NFILZ: variants seen among roughly 807,000 people sequenced by gnomAD.
The protein encoded by NFILZ is NFIL3 like basic leucine zipper.
chr19:8,649,586 C>T (rs1290846049), intron 3 of NFILZ, among the ~76,000 whole-genome samples: 1 of 151,870 alleles, frequency 6.6e-6, no homozygotes, highest in Non-Finnish European at 1.5e-5. Context: ...ATTTTCAAAG[C>T]ATAATTTTTC....
chr19:8,679,760 A>G lies in NFILZ; in HGVS notation c.*2125A>G, dbSNP rs1227013107. Among the ~76,000 whole-genome samples the G allele has an allele frequency of 1.3e-5, 2 of 152,054 alleles. No homozygotes were observed. The highest frequency in any genetic ancestry group is 2.9e-5 in the Non-Finnish European group (2 of 68,008). On this transcript the variant is annotated 3_prime_UTR_variant, in exon 6 of 6. Coordinates refer to ENST00000691075, the MANE Select transcript of NFILZ (RefSeq NM_001378600.1). ...TCCAGCAGGTGGCTTTTCTCATGTC[A>G]CTGAGCCTCCCTTATACATCTATAA...
chr19:8,641,246 C>A (rs1162359841), intron 3 of NFILZ, among the ~76,000 whole-genome samples: 1 of 151,736 alleles, frequency 6.6e-6, no homozygotes, highest in Non-Finnish European at 1.5e-5. Flanking sequence ...GAGATGGGGT[C>A]TCCTTATGTT....
intron 3 of NFILZ, among the ~76,000 whole-genome samples, chr19:8,668,841 A>G (rs782082635): frequency 1.3e-5 from 2 of 152,154 alleles, no homozygotes; most frequent in Non-Finnish European, 2.9e-5. Flanking sequence ...TAGTCAATTT[A>G]CCATCTGTAA....
chr19:8,660,622 T>C (rs1600149988), intron 3 of NFILZ, among the ~76,000 whole-genome samples: 1 of 112,694 alleles, frequency 8.9e-6, no homozygotes, highest in Admixed American at 9.9e-5. Flanking sequence ...TCTCCTTCCC[T>C]CTTCCCTCCC....
chr19:8,661,753 A>T (rs1319055678), intron 3 of NFILZ, among the ~76,000 whole-genome samples: 1 of 152,122 alleles, frequency 6.6e-6, no homozygotes, highest in Non-Finnish European at 1.5e-5. Context: ...TTAGCCAGGC[A>T]TGGTGGCGTG....
intron 3 of NFILZ, among the ~76,000 whole-genome samples, chr19:8,656,071 T>G (rs901955011): frequency 1.3e-4 from 20 of 151,366 alleles, no homozygotes; most frequent in African/African-American, 4.6e-4. Flanking sequence ...ACCCGGTCCC[T>G]AAGGGGGACC....
In NFILZ at chr19:8,677,879, G is replaced by A. The variant is rs553133703; in HGVS notation, c.*244G>A. Among the ~76,000 whole-genome samples, 1 of 152,038 alleles carries A rather than the reference G, an allele frequency of 6.6e-6. No homozygotes were observed. The highest frequency in any genetic ancestry group is 2.4e-5 in the African/African-American group (1 of 41,454). ...CCTTGCCTTAAAATCTATGCTTTGGGTTGTCACTTTTCCCTCTTCCTTCCT... is the reference window on the plus strand; with the variant it reads ...CCTTGCCTTAAAATCTATGCTTTGGATTGTCACTTTTCCCTCTTCCTTCCT... On this transcript the variant is annotated 3_prime_UTR_variant, in exon 6 of 6. Coordinates refer to ENST00000691075, the MANE Select transcript of NFILZ (RefSeq NM_001378600.1).
At chr19:8,633,875 CT>C (rs2042881332) in intron 2 of NFILZ, among the ~76,000 whole-genome samples, 1 of 144,400 alleles carries the variant, frequency 6.9e-6, no homozygotes, top group Non-Finnish European at 1.5e-5. Context: ...TATAACTTTT[CT>C]CCCTTCCTTC....
intron 3 of NFILZ, among the ~76,000 whole-genome samples, chr19:8,670,702 T>A (rs774960808): frequency 2.6e-5 from 4 of 152,100 alleles, no homozygotes; most frequent in Non-Finnish European, 5.9e-5. Flanking sequence ...TCAGTCAAGA[T>A]TTCCAGACAT....
chr19:8,673,149 GTGGCGGTACTCAC>G (rs1555750435), intron 3 of NFILZ, among the ~76,000 whole-genome samples: 1 of 152,100 alleles, frequency 6.6e-6, no homozygotes, highest in African/African-American at 2.4e-5. Flanking sequence ...GCCAGAGTTG[GTGGCGGTACTCAC>G]ATGCTAGGAG....
At chr19:8,670,105 CT>C (rs558726484) in intron 3 of NFILZ, among the ~76,000 whole-genome samples, 13,504 of 142,334 alleles carry the variant, frequency 0.095, 739 homozygotes, top group Non-Finnish European at 0.13. Flanking sequence ...TGACAGGTGA[CT>C]TTTTTTTTTT....
intron 3 of NFILZ, among the ~76,000 whole-genome samples, chr19:8,667,641 G>A (rs555025743): frequency 2.6e-5 from 4 of 152,052 alleles, no homozygotes; most frequent in African/African-American, 4.8e-5. Context: ...TCCGCCTCTC[G>A]GGTTCAAGTG....
chr19:8,647,658 C>T (rs1267282327), intron 3 of NFILZ, among the ~76,000 whole-genome samples: 1 of 151,564 alleles, frequency 6.6e-6, no homozygotes, highest in African/African-American at 2.4e-5. Context: ...TCTCAGCAAC[C>T]TAAACCAGGA....
chr19:8,633,721 C>A (rs2042880736), intron 2 of NFILZ, among the ~76,000 whole-genome samples: 1 of 152,106 alleles, frequency 6.6e-6, no homozygotes. Context: ...CAGCTCTTGT[C>A]CTGGGACAAG....
Position 8,679,091 on chromosome 19 carries a change from G to A in NFILZ, c.*1456G>A, listed in dbSNP as rs941930658. On this transcript the variant is annotated 3_prime_UTR_variant, in exon 6 of 6. Transcript: ENST00000691075. ...CAGGCCTTGAGCTGCTGGAACAGGA[G>A]CAGCTGTGTGAGGGCATCAGTGTCC... 6.6e-6 allele frequency among the ~76,000 whole-genome samples: 1 copy of A among 152,016 alleles called. No individual in the cohort carries two copies. The highest frequency in any genetic ancestry group is 1.9e-4 in the East Asian group (1 of 5,172).
intron 3 of NFILZ, among the ~76,000 whole-genome samples, chr19:8,652,666 G>A (rs1307000469): frequency 6.6e-6 from 1 of 151,942 alleles, no homozygotes; most frequent in African/African-American, 2.4e-5. Flanking sequence ...CAGATATTTC[G>A]GTTTTATTAA....
chr19:8,654,438 C>T (rs1405208957), intron 3 of NFILZ, among the ~76,000 whole-genome samples: 1 of 151,492 alleles, frequency 6.6e-6, no homozygotes, highest in Non-Finnish European at 1.5e-5. Context: ...GGCAACATGG[C>T]GAGGTCCCAT....
At chr19:8,666,562 T>C (rs1442778595) in intron 3 of NFILZ, among the ~76,000 whole-genome samples, 1 of 152,126 alleles carries the variant, frequency 6.6e-6, no homozygotes, top group Non-Finnish European at 1.5e-5. Flanking sequence ...GAACCCCTTT[T>C]ATAGATGAGG....
At chr19:8,670,380 G>A (rs1214366794) in intron 3 of NFILZ, among the ~76,000 whole-genome samples, 2 of 152,188 alleles carry the variant, frequency 1.3e-5, no homozygotes, top group Non-Finnish European at 2.9e-5. Flanking sequence ...GGGATTATGG[G>A]TGTGAGCCAT....
Sources: allele counts gnomAD v4.1 joint callset (sites outside exome capture counted in the v4.1 genomes callset), GRCh38; gene constraint gnomAD v4.1.1; transcripts MANE v1.5; gene names NCBI Gene and HGNC (gene_info 2026-07-23, HGNC 2026-07-21).